The following TFAM variants were observed in gnomAD, a reference collection of about 807,000 sequenced individuals.
The protein encoded by TFAM is mitochondrial transcription factor 1.
A neutral mutation model predicts 30.6 loss-of-function variants in TFAM; 13 were observed. That is an observed-to-expected ratio of 0.42 (90% CI 0.28 to 0.67). TFAM has a LOEUF of 0.67. Ranked by LOEUF, TFAM falls within the 30% of genes least tolerant of loss-of-function variation. TFAM has a pLI of 0.21. For synonymous variants in TFAM, 106 were observed against 94.8 expected, an observed-to-expected ratio of 1.12 and a Z score of -0.69; for missense variants, 231 against 293.7, an observed-to-expected ratio of 0.79 and a Z score of 1.56.
In TFAM at chr10:58,395,488, G is replaced by T; in HGVS notation, c.*414G>T. 2 of 261,290 alleles carry T rather than the reference G, an allele frequency of 7.7e-6. No homozygotes were observed. The highest frequency in any genetic ancestry group is 1.6e-4 in the South Asian group (2 of 12,820). 16.2% of individuals were successfully genotyped at this position (261,290 alleles called of 1,614,324 possible). The stretch of plus-strand genomic sequence containing the variant: ...ACGGTGTTCTGTGATATAAGTGTGT[G>T]TTTTTCATAAAGCAGGCAGAACTCA... On this transcript the variant is annotated 3_prime_UTR_variant, in exon 7 of 7. Coordinates refer to ENST00000487519, the MANE Select transcript of TFAM (RefSeq NM_003201.3).
Position 58,395,838 on chromosome 10 carries a change from C to G in TFAM, c.*764C>G, listed in dbSNP as rs995997703. ...TATTTTTTTCTGAATTATTTTCTCT[C>G]GTGAGTATATTGATCCAGAAAGAAA... On this transcript the variant is annotated 3_prime_UTR_variant, in exon 7 of 7. Transcript: ENST00000487519. The G allele has an allele frequency of 4.1e-6, 1 of 244,168 alleles. No individual in the cohort carries two copies. The highest frequency in any genetic ancestry group is 2.2e-5 in the African/African-American group (1 of 45,302). The allele number at this position is 244,168 out of a possible 1,614,324, so 15.1% of individuals were successfully genotyped here.
At position 58,388,208 on chromosome 10, in the gene TFAM, T is replaced by A. The variant is rs760004942; in HGVS notation, c.239T>A (p.Leu80Gln). Residue 80 changes from leucine (L) to glutamine (Q), a missense_variant, in exon 3 of 7, where the codon CTA becomes CAA. Physicochemically the swap from Leu to Gln is moderately radical, Grantham distance 113 (BLOSUM62 -2). Transcript: ENST00000487519. ...AQNPDAKTTE[L>Q]IRRIAQRWRE... ...TCCATAGATGCAAAAACTACAGAAC[T>A]AATTAGAAGAATTGCCCAGCGTTGG... The A allele has an allele frequency of 6.2e-7, 1 of 1,613,948 alleles. No individual in the cohort carries two copies. Among genetic ancestry groups the A allele is most frequent in the Admixed American group, 1.7e-5 (1 of 60,024 alleles).
At chr10:58,386,690 C>A in intron 2 of TFAM, 1 of 1,136,102 alleles carries the variant, frequency 8.8e-7, no homozygotes, top group South Asian at 2.1e-5. Flanking sequence ...AATAAAGTTG[C>A]AACTTCTGTG....
chr10:58,393,884 G>A (rs1482617791), intron 5 of TFAM, among the ~76,000 whole-genome samples: 1 of 147,270 alleles, frequency 6.8e-6, no homozygotes, highest in African/African-American at 2.5e-5. Flanking sequence ...GACAGAGTGA[G>A]ACCTTGTCTC....
intron 1 of TFAM, 23 bp downstream of exon 1, chr10:58,385,671 T>C: frequency 7.2e-6 from 11 of 1,532,462 alleles, no homozygotes; most frequent in Non-Finnish European, 9.7e-6. Flanking sequence ...GCCTGTGCCC[T>C]AGGGGCAGCA....
In TFAM at chr10:58,399,177, C is replaced by T. The variant is rs888772344; in HGVS notation, c.*4103C>T. On this transcript the variant is annotated 3_prime_UTR_variant, in exon 7 of 7. Transcript: ENST00000487519. ...CAGGAGCCAGTAAATAAAGTTGACT[C>T]TAAACAGGAATTTTAAATAAACTAA... is the stretch of plus-strand genomic sequence containing the variant. The T allele has an allele frequency of 6.6e-6, 1 of 152,154 alleles. No homozygotes were observed. Among genetic ancestry groups the T allele is most frequent in the Non-Finnish European group, 1.5e-5 (1 of 68,016 alleles). The allele number at this position is 152,154 out of a possible 1,614,324, so 9.4% of individuals were successfully genotyped here.
chr10:58,391,481 C>CGCTCTGCCT (rs1840597353), intron 5 of TFAM, among the ~76,000 whole-genome samples: 2 of 152,116 alleles, frequency 1.3e-5, no homozygotes, highest in South Asian at 4.1e-4. Context: ...AAGTTTTTGG[C>CGCTCTGCCT]ACTCTGCCTA....
At position 58,397,025 on chromosome 10, in the gene TFAM, A is replaced by G. The variant is rs758368523; in HGVS notation, c.*1951A>G. Reference sequence around the variant, plus strand: ...AAGAGAAGGAGGTGTGCTAGTGTCTATCACAGGCTTTCTCAATTAGGTTTG... The same window carrying G: ...AAGAGAAGGAGGTGTGCTAGTGTCTGTCACAGGCTTTCTCAATTAGGTTTG... On this transcript the variant is annotated 3_prime_UTR_variant, in exon 7 of 7. Coordinates refer to ENST00000487519, the MANE Select transcript of TFAM (RefSeq NM_003201.3). 1 of 152,274 alleles carries G rather than the reference A, an allele frequency of 6.6e-6. No homozygotes were observed. The highest frequency in any genetic ancestry group is 1.9e-4 in the East Asian group (1 of 5,200). 9.4% of individuals were successfully genotyped at this position (152,274 alleles called of 1,614,324 possible).
chr10:58,385,717 T>C, intron 1 of TFAM, 69 bp downstream of exon 1: 1 of 1,190,126 alleles, frequency 8.4e-7, no homozygotes, highest in Middle Eastern at 2.0e-4. Flanking sequence ...ATGTAGACCC[T>C]ATCCTTCACT....
intron 5 of TFAM, 36 bp from the exon 6 acceptor site, chr10:58,394,322 A>G (rs773710226): frequency 2.7e-6 from 4 of 1,507,380 alleles, no homozygotes; most frequent in Non-Finnish European, 3.7e-6. Flanking sequence ...TGAAGTCCCC[A>G]TATCTACCTT....
chr10:58,390,717 C>T, intron 4 of TFAM, 48 bp from the exon 5 acceptor site: 1 of 1,409,212 alleles, frequency 7.1e-7, no homozygotes, highest in Non-Finnish European at 1.0e-6. Context: ...AAAATTAAGT[C>T]TCATGGAGGT....
intron 5 of TFAM, among the ~76,000 whole-genome samples, chr10:58,392,228 A>T (rs541691187): frequency 1.3e-4 from 20 of 152,160 alleles, no homozygotes; most frequent in Non-Finnish European, 2.9e-4. Flanking sequence ...ATGTCTGAAA[A>T]TGTCTGTATC....
intron 5 of TFAM, 70 bp from the exon 6 acceptor site, chr10:58,394,288 G>A (rs563814413): frequency 8.7e-7 from 1 of 1,143,934 alleles, no homozygotes; most frequent in African/African-American, 1.5e-5. Context: ...TTGAGTTTTT[G>A]TTGGAATGAA....
chr10:58,386,212 A>C lies in TFAM; in HGVS notation c.102-8A>C, dbSNP rs749996131. 2 of 1,562,416 alleles carry C rather than the reference A, an allele frequency of 1.3e-6. No homozygotes were observed. Among genetic ancestry groups the C allele is most frequent in the Non-Finnish European group, 1.8e-6 (2 of 1,133,482 alleles). ...GACACTGGTTATTTTCTTTTTGTTT[A>C]TATGTAGTTTTGTGTATTTACCGAG... On this transcript the variant is annotated splice_region_variant and splice_polypyrimidine_tract_variant and intron_variant, in intron 1 of 6. Coordinates refer to ENST00000487519, the MANE Select transcript of TFAM (RefSeq NM_003201.3).
chr10:58,385,863 C>T (rs576309905), intron 1 of TFAM, among the ~76,000 whole-genome samples: 2 of 152,304 alleles, frequency 1.3e-5, no homozygotes, highest in East Asian at 3.9e-4. Flanking sequence ...ACCCTCCACT[C>T]GCTTCTCCCA....
chr10:58,394,423 T>TA lies in TFAM; in HGVS notation c.594+10dup, dbSNP rs747958795. 1 of 1,611,876 alleles carries TA rather than the reference T, an allele frequency of 6.2e-7. No individual in the cohort carries two copies. The highest frequency in any genetic ancestry group is 1.1e-5 in the South Asian group (1 of 91,064). ...CTGACTCTGAAAAGGAAGTGAGTAT[T>TA]ACGGTTGTTAGTCTCAAGTGTCTAC... On this transcript the variant is annotated intron_variant, in intron 6 of 6. Transcript: ENST00000487519.
At chr10:58,386,115 A>G (rs1840484999) in intron 1 of TFAM, 105 bp from the exon 2 acceptor site, 1 of 845,704 alleles carries the variant, frequency 1.2e-6, no homozygotes, top group Middle Eastern at 3.3e-4. Context: ...CGTTGGATAC[A>G]TAGTATCTTG....
rs1840711582 is a variant in TFAM, at chr10:58,397,755, G to C, written c.*2681G>C. 6.8e-6 allele frequency: 1 copy of C among 148,108 alleles called. No individual in the cohort carries two copies. The highest frequency in any genetic ancestry group is 1.5e-5 in the Non-Finnish European group (1 of 67,956). The allele number at this position is 148,108 out of a possible 1,614,324, so 9.2% of individuals were successfully genotyped here. On this transcript the variant is annotated 3_prime_UTR_variant, in exon 7 of 7. Coordinates refer to ENST00000487519, the MANE Select transcript of TFAM (RefSeq NM_003201.3). ...CACTCATATAAAGTCTTATTTGTGTGTGTGTGTGTGTGTGTGTGCACGTGT... is the reference window on the plus strand; with the variant it reads ...CACTCATATAAAGTCTTATTTGTGTCTGTGTGTGTGTGTGTGTGCACGTGT...
intron 4 of TFAM, among the ~76,000 whole-genome samples, chr10:58,389,736 T>G (rs1482660227): frequency 6.6e-6 from 1 of 152,172 alleles, no homozygotes; most frequent in African/African-American, 2.4e-5. Context: ...CTAAAGTATA[T>G]CCTCCCTCTT....
Sources: gnomAD v4.1 joint callset for allele counts (sites outside exome capture counted in the v4.1 genomes callset) on GRCh38, gnomAD v4.1.1 for gene constraint, MANE v1.5 for transcripts, NCBI Gene and HGNC (gene_info 2026-07-23, HGNC 2026-07-21) for gene names.